Variants in METTL15 observed in about 807,000 individuals in gnomAD.
METTL15 encodes the protein 12S rRNA N(4)-cytidine methyltransferase METTL15.
METTL15 carries 34 observed loss-of-function variants against 38.3 expected under a neutral mutation model. That is an observed-to-expected ratio of 0.89 (90% CI 0.68 to 1.18). The LOEUF (loss-of-function observed/expected upper bound fraction) is 1.18, where lower values mean the gene tolerates loss of function less well. Among genes scored for constraint, METTL15 ranks in the 50% most tolerant of loss-of-function variants. The probability of loss-of-function intolerance (pLI) is 0.00; values close to 1 mark genes in which losing one functional copy is unlikely to be tolerated. For synonymous variants in METTL15, 162 were observed against 170.9 expected (o/e 0.95, Z 0.41); for missense variants, 438 against 498.4 (o/e 0.88, Z 1.15).
chr11:28,292,526 C>T (rs1034018658), intron 5 of METTL15, among the ~76,000 whole-genome samples: 9 of 152,144 alleles, frequency 5.9e-5, no homozygotes, highest in South Asian at 2.1e-4. Flanking sequence ...CATACGTGTG[C>T]GTGTGTCTTT....
chr11:28,220,852 T>C (rs575023343), intron 4 of METTL15, among the ~76,000 whole-genome samples: 42 of 152,222 alleles, frequency 2.8e-4, no homozygotes, highest in Admixed American at 8.5e-4. Flanking sequence ...AAATTCTGGA[T>C]TGAAAATTGT....
In METTL15 at chr11:28,128,962, A is replaced by T. The variant is rs1028219031; in HGVS notation, c.270+15358A>T. Among the ~76,000 whole-genome samples, 10 of 152,190 alleles carry T rather than the reference A, an allele frequency of 6.6e-5. 1 individual carries two copies. In the South Asian group the frequency reaches 2.1e-3, roughly 32 times the overall value. On this transcript the variant is annotated intron_variant, in intron 3 of 6. Coordinates refer to ENST00000407364, the MANE Select transcript of METTL15 (RefSeq NM_001113528.2). ...TTTGTTAGGTTAATTTATTCTAATG[A>T]CTCAGACTGGGGGATCCTTTTATTT...
intron 6 of METTL15, among the ~76,000 whole-genome samples, chr11:28,320,944 A>G (rs544409316): frequency 1.1e-4 from 17 of 152,278 alleles, no homozygotes; most frequent in African/African-American, 3.4e-4. Context: ...ACATTAGGAA[A>G]ATTTTATACT....
intron 3 of METTL15, among the ~76,000 whole-genome samples, chr11:28,158,029 T>A (rs1301718420): frequency 1.3e-5 from 2 of 151,886 alleles, no homozygotes; most frequent in Non-Finnish European, 2.9e-5. Context: ...GCACTTTGAG[T>A]GGAAGGAGAA....
At chr11:28,261,599 C>A (rs1174316659) in intron 4 of METTL15, 1 of 152,140 alleles carries the variant, frequency 6.6e-6, no homozygotes, top group Non-Finnish European at 1.5e-5. Flanking sequence ...TTTAGTGTCA[C>A]TCTCTGTGCT....
At chr11:28,198,517 C>T (rs1174717968) in intron 3 of METTL15, among the ~76,000 whole-genome samples, 1 of 152,010 alleles carries the variant, frequency 6.6e-6, no homozygotes, top group African/African-American at 2.4e-5. Flanking sequence ...ATAGTAACAC[C>T]AATACTTCTG....
intron 4 of METTL15, among the ~76,000 whole-genome samples, chr11:28,217,987 T>A (rs1342103979): frequency 6.6e-6 from 1 of 152,176 alleles, no homozygotes; most frequent in East Asian, 1.9e-4. Flanking sequence ...TGAAGTCAGG[T>A]AGCTTGATGC....
intron 4 of METTL15, among the ~76,000 whole-genome samples, chr11:28,212,421 A>G (rs1424939073): frequency 6.6e-6 from 1 of 152,262 alleles, no homozygotes; most frequent in East Asian, 1.9e-4. Flanking sequence ...TAGAGCATTC[A>G]TATTTGCGAA....
chr11:28,238,976 C>G (rs897865759), intron 4 of METTL15, among the ~76,000 whole-genome samples: 11 of 151,694 alleles, frequency 7.3e-5, no homozygotes, highest in African/African-American at 2.7e-4. Flanking sequence ...TTTTTCCTAT[C>G]TGTACTGTTC....
intron 4 of METTL15, among the ~76,000 whole-genome samples, chr11:28,280,948 G>A (rs777746538): frequency 1.3e-4 from 19 of 151,848 alleles, no homozygotes; most frequent in Non-Finnish European, 2.5e-4. Flanking sequence ...TTATCTTATA[G>A]TCCATTCTGA....
chr11:28,390,899 T>C (rs1409452805), intron 5 of METTL15, among the ~76,000 whole-genome samples: 1 of 152,200 alleles, frequency 6.6e-6, no homozygotes, highest in Non-Finnish European at 1.5e-5. Flanking sequence ...TCCTGTTTTA[T>C]TTCATTGAGC....
chr11:28,240,454 G>C (rs1057002601), intron 4 of METTL15, among the ~76,000 whole-genome samples: 2 of 152,124 alleles, frequency 1.3e-5, no homozygotes, highest in African/African-American at 2.4e-5. Context: ...ACTCTAATGT[G>C]TATTCGCATT....
chr11:28,214,581 G>C (rs1410521552), intron 4 of METTL15, among the ~76,000 whole-genome samples: 4 of 152,086 alleles, frequency 2.6e-5, no homozygotes, highest in Non-Finnish European at 5.9e-5. Flanking sequence ...TTAAATTTCT[G>C]TTAAATATAA....
chr11:28,213,874 C>T (rs1480480709), intron 4 of METTL15, among the ~76,000 whole-genome samples: 1 of 151,760 alleles, frequency 6.6e-6, no homozygotes, highest in African/African-American at 2.4e-5. Flanking sequence ...CCAAGATGGT[C>T]TCGATCTCCT....
At chr11:28,447,762 A>C (rs1851086982) in intron 6 of METTL15, among the ~76,000 whole-genome samples, 1 of 152,086 alleles carries the variant, frequency 6.6e-6, no homozygotes, top group Non-Finnish European at 1.5e-5. Context: ...TCAGATTCAG[A>C]ATATCTCAGG....
chr11:28,244,336 T>G (rs1451556676), intron 4 of METTL15, among the ~76,000 whole-genome samples: 2 of 152,342 alleles, frequency 1.3e-5, no homozygotes, highest in East Asian at 3.9e-4. Flanking sequence ...TTTTAAAAAT[T>G]CTGCTTGAAT....
intron 6 of METTL15, among the ~76,000 whole-genome samples, chr11:28,318,353 A>C (rs1849343155): frequency 6.6e-6 from 1 of 151,954 alleles, no homozygotes; most frequent in East Asian, 1.9e-4. Flanking sequence ...CAGAGGGGTA[A>C]ATAATTTGAT....
chr11:28,267,135 G>A (rs1451129050), intron 4 of METTL15, among the ~76,000 whole-genome samples: 5 of 147,878 alleles, frequency 3.4e-5, no homozygotes, highest in African/African-American at 1.3e-4. Flanking sequence ...ACTCCAGCCT[G>A]GGCAACTAGA....
At chr11:28,431,369 C>T (rs1437251324) in intron 6 of METTL15, among the ~76,000 whole-genome samples, 10 of 110,400 alleles carry the variant, frequency 9.1e-5, no homozygotes, top group Non-Finnish European at 2.0e-4. Flanking sequence ...ATTGAGAAAT[C>T]GGATGGTTGC....
Sources: gnomAD v4.1 joint callset for allele counts (sites outside exome capture counted in the v4.1 genomes callset) on GRCh38, gnomAD v4.1.1 for gene constraint, MANE v1.5 for transcripts, NCBI Gene and HGNC (gene_info 2026-07-23, HGNC 2026-07-21) for gene names.